The following CREG2 variants were observed in gnomAD, a reference collection of about 807,000 sequenced individuals.
CREG2 encodes cellular repressor of E1A stimulated genes 2.
In CREG2, 24 loss-of-function variants were observed where a neutral mutation model predicts 26.2. The observed-to-expected ratio is 0.92, with a 90% confidence interval of 0.66 to 1.29. The LOEUF (loss-of-function observed/expected upper bound fraction) is 1.29, where lower values mean the gene tolerates loss of function less well. Ranked by LOEUF, CREG2 falls within the 50% of genes most tolerant of loss-of-function variation. The pLI is 0.00. For missense variants in CREG2, 366 were observed against 398.6 expected (o/e 0.92, Z 0.70); for synonymous variants, 174 against 169.2 (o/e 1.03, Z -0.22).
chr2:101,386,250 C>A (rs1056499701), intron 1 of CREG2, among the ~76,000 whole-genome samples: 2 of 152,198 alleles, frequency 1.3e-5, no homozygotes, highest in African/African-American at 4.8e-5. Context: ...TGTCCTATGC[C>A]TTCCATAAAA....
intron 3 of CREG2, among the ~76,000 whole-genome samples, chr2:101,352,048 ATT>A (rs60682919): frequency 0.87 from 129,570 of 149,516 alleles, 56,295 homozygotes; most frequent in Non-Finnish European, 0.91. Context: ...TTTAAAAAAA[ATT>A]TTTTTTTTTT....
chr2:101,360,081 C>G (rs773753078), intron 2 of CREG2, among the ~76,000 whole-genome samples: 5 of 152,204 alleles, frequency 3.3e-5, no homozygotes, highest in Non-Finnish European at 7.3e-5. Context: ...CCTCTGCTTA[C>G]CCAGAGACAT....
At chr2:101,374,982 C>T (rs1558819724) in intron 2 of CREG2, among the ~76,000 whole-genome samples, 2 of 152,184 alleles carry the variant, frequency 1.3e-5, no homozygotes, top group African/African-American at 2.4e-5. Context: ...GGCAAACTGA[C>T]CCGCCTGCTG....
At position 101,383,558 on chromosome 2, in the gene CREG2, G is replaced by A. The variant is rs1212502836; in HGVS notation, c.586C>T (p.Pro196Ser). Residue 196 changes from proline (P) to serine (S), a missense_variant, in exon 2 of 4, where the codon CCA becomes TCA. This residue lies in a region of CREG2 where 174 missense variants were observed against 178.2 expected (regional missense o/e 0.98). Transcript: ENST00000324768. ...CTGCAGAACTCCCCTTCTGATTCTG[G>A]CAGCATCAGCGAGGCCATGGGGTTC... ...MKNPMASLML[P>S]ESEGEFCRKN... 3.1e-6 allele frequency: 5 copies of A among 1,614,042 alleles called. No homozygotes were observed. The highest frequency in any genetic ancestry group is 2.2e-5 in the East Asian group (1 of 44,884).
intron 2 of CREG2, among the ~76,000 whole-genome samples, chr2:101,376,725 AT>A (rs1423819598): frequency 6.6e-6 from 1 of 152,212 alleles, no homozygotes; most frequent in Non-Finnish European, 1.5e-5. Flanking sequence ...TTGCCTTTTA[AT>A]TTAATAATCT....
chr2:101,383,193 C>A (rs1198308934), intron 2 of CREG2: 3 of 351,010 alleles, frequency 8.5e-6, no homozygotes, highest in Admixed American at 9.6e-5. Context: ...TCACTCCCAC[C>A]CTCGCCCTTT....
At position 101,346,823 on chromosome 2, in the gene CREG2, C is replaced by T. The variant is rs1416740972; in HGVS notation, c.*4100G>A. The T allele has an allele frequency of 1.3e-5, 2 of 152,160 alleles. No homozygotes were observed. Among genetic ancestry groups the T allele is most frequent in the African/African-American group, 4.8e-5 (2 of 41,430 alleles). 9.4% of individuals were successfully genotyped at this position (152,160 alleles called of 1,614,324 possible). A position where few individuals can be genotyped will look rare whatever the true frequency, so the allele number is the denominator to read the frequency against. On this transcript the variant is annotated 3_prime_UTR_variant, in exon 4 of 4. Transcript: ENST00000324768. ...AGTTGTAAGAAATAATACAGAGATC[C>T]TGTGTTCTTTTTACCCAGTTTTCCC... is the stretch of plus-strand genomic sequence containing the variant.
intron 2 of CREG2, among the ~76,000 whole-genome samples, chr2:101,357,223 G>A (rs1358974628): frequency 2.0e-5 from 3 of 151,390 alleles, no homozygotes; most frequent in Admixed American, 6.6e-5. Context: ...GGGTTTCACC[G>A]TGTTGGTCAG....
At chr2:101,383,826 G>A in intron 1 of CREG2, 124 bp from the exon 2 acceptor site, 1 of 880,756 alleles carries the variant, frequency 1.1e-6, no homozygotes, top group Non-Finnish European at 1.7e-6. Context: ...TGGCATCACA[G>A]TGGCTCTGAC....
intron 2 of CREG2, among the ~76,000 whole-genome samples, chr2:101,360,815 A>C (rs1382558206): frequency 3.3e-5 from 5 of 152,132 alleles, no homozygotes; most frequent in African/African-American, 9.7e-5. Context: ...TAAGTTGTAA[A>C]TTTTTCTTCT....
intron 2 of CREG2, among the ~76,000 whole-genome samples, chr2:101,355,870 A>AT (rs1053857845): frequency 4.6e-5 from 7 of 151,894 alleles, no homozygotes; most frequent in African/African-American, 7.3e-5. Flanking sequence ...ATTACAAACA[A>AT]TGCTCTTTTA....
intron 2 of CREG2, among the ~76,000 whole-genome samples, chr2:101,371,336 C>T (rs1684703883): frequency 6.6e-6 from 1 of 152,130 alleles, no homozygotes; most frequent in Admixed American, 6.5e-5. Flanking sequence ...AGATGCACCA[C>T]AAACAATGCA....
In CREG2 at chr2:101,349,402, C is replaced by T. The variant is rs6543031; in HGVS notation, c.*1521G>A. The stretch of plus-strand genomic sequence containing the variant: ...ATATTTTGACAACTCAAGCTCTCGT[C>T]GTATGTTATTTTGTTAAGCAAAAGT... On this transcript the variant is annotated 3_prime_UTR_variant, in exon 4 of 4. Transcript: ENST00000324768. The T allele has an allele frequency of 0.67, 102,725 of 152,554 alleles. 36,469 individuals carry two copies. Among genetic ancestry groups the T allele is most frequent in the South Asian group, 0.78 (3,756 of 4,816 alleles). The allele number at this position is 152,554 out of a possible 1,614,324, so 9.5% of individuals were successfully genotyped here. A position where few individuals can be genotyped will look rare whatever the true frequency, so the allele number is the denominator to read the frequency against.
intron 2 of CREG2, among the ~76,000 whole-genome samples, chr2:101,374,113 G>T (rs771140872): frequency 1.3e-5 from 2 of 152,048 alleles, no homozygotes; most frequent in African/African-American, 4.8e-5. Flanking sequence ...AGAGCTATCC[G>T]CCAGGTGTGG....
At chr2:101,369,024 A>T (rs997912918) in intron 2 of CREG2, among the ~76,000 whole-genome samples, 4 of 152,220 alleles carry the variant, frequency 2.6e-5, no homozygotes, top group Admixed American at 2.0e-4. Context: ...CGAGGCTGGA[A>T]CTGTGCCGGG....
intron 2 of CREG2, among the ~76,000 whole-genome samples, chr2:101,380,344 CAG>C (rs1684853443): frequency 6.6e-6 from 1 of 152,216 alleles, no homozygotes; most frequent in African/African-American, 2.4e-5. Context: ...CATGCTGGTG[CAG>C]AGTCTGCAGT....
intron 3 of CREG2, among the ~76,000 whole-genome samples, chr2:101,351,687 C>G (rs1004364813): frequency 2.0e-5 from 3 of 152,038 alleles, no homozygotes; most frequent in African/African-American, 7.2e-5. Context: ...GACTGACTTG[C>G]CTCTCCCCGA....
chr2:101,368,310 A>G (rs1017708812), intron 2 of CREG2, among the ~76,000 whole-genome samples: 2 of 145,954 alleles, frequency 1.4e-5, no homozygotes, highest in Non-Finnish European at 3.0e-5. Flanking sequence ...GAGGGAAAAG[A>G]AAAAAGAAAA....
At position 101,347,309 on chromosome 2, in the gene CREG2, C is replaced by G. The variant is rs1684322010; in HGVS notation, c.*3614G>C. 1 of 152,160 alleles carries G rather than the reference C, an allele frequency of 6.6e-6. No homozygotes were observed. The highest frequency in any genetic ancestry group is 1.5e-5 in the Non-Finnish European group (1 of 68,036). 9.4% of individuals were successfully genotyped at this position (152,160 alleles called of 1,614,324 possible). On this transcript the variant is annotated 3_prime_UTR_variant, in exon 4 of 4. Coordinates refer to ENST00000324768, the MANE Select transcript of CREG2 (RefSeq NM_153836.4). ...CATGCACAAGTTTTTGTGTGAACCTCTTTTCATTTCTCTTGTATAAATGCC... is the reference window on the plus strand; with the variant it reads ...CATGCACAAGTTTTTGTGTGAACCTGTTTTCATTTCTCTTGTATAAATGCC...
Sources: allele counts gnomAD v4.1 joint callset (sites outside exome capture counted in the v4.1 genomes callset), GRCh38; gene constraint gnomAD v4.1.1; regional missense constraint gnomAD v4.1.1; transcripts MANE v1.5; gene names NCBI Gene and HGNC (gene_info 2026-07-23, HGNC 2026-07-21).